The following FNDC3B variants were observed in gnomAD, a reference collection of about 807,000 sequenced individuals.
The protein encoded by FNDC3B is fibronectin type III domain containing 3B.
Under a neutral mutation model 151.5 loss-of-function variants are expected in FNDC3B, and 12 were observed. The ratio of observed to expected loss-of-function variants is 0.08; its 90% CI spans 0.05 to 0.13. FNDC3B has a LOEUF of 0.13. Among genes scored for constraint, FNDC3B ranks in the 10% least tolerant of loss-of-function variants. FNDC3B has a pLI of 1.00. For missense variants in FNDC3B, 1,214 were observed against 1,505.3 expected (o/e 0.81, Z 3.20); for synonymous variants, 528 against 549.0 (o/e 0.96, Z 0.54).
At chr3:172,073,530 G>A (rs941218877) in intron 1 of FNDC3B, among the ~76,000 whole-genome samples, 1 of 152,156 alleles carries the variant, frequency 6.6e-6, no homozygotes, top group Non-Finnish European at 1.5e-5. Flanking sequence ...TTTGGGAGGG[G>A]AAACCAAATA....
At chr3:172,170,832 G>A (rs1194968965) in intron 3 of FNDC3B, among the ~76,000 whole-genome samples, 2 of 152,112 alleles carry the variant, frequency 1.3e-5, no homozygotes, top group Non-Finnish European at 2.9e-5. Context: ...TTTTTAAATA[G>A]CTAGTTTTGA....
chr3:172,170,248 T>C (rs1409872208), intron 3 of FNDC3B, among the ~76,000 whole-genome samples: 1 of 152,210 alleles, frequency 6.6e-6, no homozygotes, highest in East Asian at 1.9e-4. Flanking sequence ...CCTCTGTTAC[T>C]CTCAGTTGAA....
At chr3:172,192,886 C>G (rs2108675390) in intron 3 of FNDC3B, among the ~76,000 whole-genome samples, 1 of 152,088 alleles carries the variant, frequency 6.6e-6, no homozygotes, top group Non-Finnish European at 1.5e-5. Context: ...CTGGAAATAA[C>G]AAAACCAACC....
At chr3:172,318,386 C>G (rs369843127) in intron 11 of FNDC3B, among the ~76,000 whole-genome samples, 3 of 152,146 alleles carry the variant, frequency 2.0e-5, no homozygotes, top group South Asian at 2.1e-4. Context: ...TCAGGAGGAG[C>G]CTTGTTTAGG....
intron 1 of FNDC3B, among the ~76,000 whole-genome samples, chr3:172,054,069 G>A (rs1280307097): frequency 2.6e-5 from 4 of 152,170 alleles, no homozygotes; most frequent in Admixed American, 1.3e-4. Flanking sequence ...CTGTTCATCC[G>A]CAGTGCCTTT....
At chr3:172,354,785 G>C (rs1261194696) in intron 22 of FNDC3B, among the ~76,000 whole-genome samples, 1 of 151,238 alleles carries the variant, frequency 6.6e-6, no homozygotes, top group Non-Finnish European at 1.5e-5. Context: ...AGATCATGAT[G>C]TTCTAGATAA....
intron 11 of FNDC3B, among the ~76,000 whole-genome samples, chr3:172,320,444 A>G (rs188166500): frequency 3.7e-4 from 56 of 152,292 alleles, no homozygotes; most frequent in African/African-American, 1.2e-3. Flanking sequence ...TCAAGAAAAC[A>G]TCAGGAGGAG....
chr3:172,279,921 G>GT (rs764855592), intron 6 of FNDC3B, among the ~76,000 whole-genome samples: 10 of 151,726 alleles, frequency 6.6e-5, no homozygotes, highest in Non-Finnish European at 1.0e-4. Context: ...TGTTGTTGTT[G>GT]TTGTTTGTTT....
intron 1 of FNDC3B, among the ~76,000 whole-genome samples, chr3:172,109,824 TTCAAAAGCAAA>T (rs1719872392): frequency 6.6e-6 from 1 of 152,212 alleles, no homozygotes; most frequent in South Asian, 2.1e-4. Flanking sequence ...CTATGAAGTT[TTCAAAAGCAAA>T]TATAATGATC....
At chr3:172,384,566 C>A (rs542853171) in intron 25 of FNDC3B, among the ~76,000 whole-genome samples, 9 of 152,322 alleles carry the variant, frequency 5.9e-5, no homozygotes, top group African/African-American at 2.2e-4. Flanking sequence ...ATTGATCACA[C>A]ATTTGTTATT....
intron 3 of FNDC3B, among the ~76,000 whole-genome samples, chr3:172,142,892 G>T (rs1163961551): frequency 6.6e-6 from 1 of 152,264 alleles, no homozygotes; most frequent in African/African-American, 2.4e-5. Context: ...TTTGAGGAAG[G>T]CCTGCTTTCT....
intron 4 of FNDC3B, among the ~76,000 whole-genome samples, chr3:172,229,898 G>A (rs188498103): frequency 4.5e-4 from 68 of 152,288 alleles, no homozygotes; most frequent in Non-Finnish European, 8.4e-4. Flanking sequence ...CACCAAGACA[G>A]TTCACTGGAG....
At chr3:172,122,343 A>G (rs1720595966) in intron 2 of FNDC3B, among the ~76,000 whole-genome samples, 1 of 152,056 alleles carries the variant, frequency 6.6e-6, no homozygotes, top group Non-Finnish European at 1.5e-5. Flanking sequence ...CCAAGGAGCC[A>G]GTTGCTGAAG....
At chr3:172,223,597 G>A (rs1347736887) in intron 3 of FNDC3B, among the ~76,000 whole-genome samples, 1 of 152,186 alleles carries the variant, frequency 6.6e-6, no homozygotes, top group South Asian at 2.1e-4. Flanking sequence ...ATACGTTTTG[G>A]TGATTAAAAA....
chr3:172,359,249 T>C (rs1393870320), intron 22 of FNDC3B, among the ~76,000 whole-genome samples: 1 of 152,182 alleles, frequency 6.6e-6, no homozygotes, highest in African/African-American at 2.4e-5. Context: ...TTATAAGTGA[T>C]TTAAATCTCT....
intron 3 of FNDC3B, among the ~76,000 whole-genome samples, chr3:172,174,936 C>G (rs978290276): frequency 4.0e-5 from 2 of 50,394 alleles, no homozygotes; most frequent in Admixed American, 1.6e-4. Flanking sequence ...CCCCGCCACC[C>G]CCCCCCCCCC....
intron 6 of FNDC3B, among the ~76,000 whole-genome samples, chr3:172,279,917 T>A (rs1331624018): frequency 6.6e-6 from 1 of 152,116 alleles, no homozygotes; most frequent in African/African-American, 2.4e-5. Context: ...TTGTTGTTGT[T>A]GTTGTTGTTT....
intron 3 of FNDC3B, among the ~76,000 whole-genome samples, chr3:172,151,884 T>C (rs1450954206): frequency 6.6e-6 from 1 of 152,198 alleles, no homozygotes; most frequent in Non-Finnish European, 1.5e-5. Flanking sequence ...TCCAGGAACC[T>C]GTGGATGACG....
chr3:172,174,046 T>C (rs1723422282), intron 3 of FNDC3B, among the ~76,000 whole-genome samples: 1 of 152,120 alleles, frequency 6.6e-6, no homozygotes, highest in Admixed American at 6.5e-5. Flanking sequence ...TTGCGGGAAA[T>C]GTGTCTGTAC....
Sources: gnomAD v4.1 joint callset for allele counts (sites outside exome capture counted in the v4.1 genomes callset) on GRCh38, gnomAD v4.1.1 for gene constraint, MANE v1.5 for transcripts, NCBI Gene and HGNC (gene_info 2026-07-23, HGNC 2026-07-21) for gene names.